The following RPTOR variants were observed in gnomAD, a reference collection of about 807,000 sequenced individuals.
RPTOR encodes the protein regulatory associated protein of MTOR complex 1, also known as regulatory-associated protein of mTOR.
A neutral mutation model predicts 169.9 loss-of-function variants in RPTOR; 21 were observed. The ratio of observed to expected loss-of-function variants is 0.12; its 90% CI spans 0.09 to 0.18. The LOEUF is 0.18. RPTOR is among the 10% of genes least tolerant of loss of function. RPTOR has a pLI of 1.00. For synonymous variants in RPTOR, 732 were observed against 753.2 expected (o/e 0.97, Z 0.46); for missense variants, 1,133 against 1,855.9 (o/e 0.61, Z 7.16).
intron 11 of RPTOR, among the ~76,000 whole-genome samples, chr17:80,849,770 G>A (rs373542234): frequency 2.6e-5 from 4 of 152,226 alleles, no homozygotes; most frequent in African/African-American, 7.2e-5. Context: ...CACCCGCCTC[G>A]GCCTCCCAAA....
In RPTOR at chr17:80,844,881, A is replaced by T. The variant is rs1181697502; in HGVS notation, c.1213-1592A>T. 6.6e-6 allele frequency among the ~76,000 whole-genome samples: 1 copy of T among 152,038 alleles called. No individual in the cohort carries two copies. The highest frequency in any genetic ancestry group is 6.5e-5 in the Admixed American group (1 of 15,274). ...TTCCTCCCGACCTCCTCTCAGAGAC[A>T]CGCACCTCCACTGCGGCCACCCACC... On this transcript the variant is annotated intron_variant, in intron 10 of 33. Transcript: ENST00000306801. The surrounding 1 kb of genome is among the most constrained non-coding windows in gnomAD (Gnocchi z 4.7).
In RPTOR at chr17:80,957,617, T is replaced by G. The variant is rs1275390361; in HGVS notation, c.3371-7T>G. The G allele has an allele frequency of 6.2e-7, 1 of 1,613,596 alleles. No homozygotes were observed. ...GGGTGATGCCATGTCCCACTGTATC[T>G]CTCCAGGAGCTGGGATGGTGGTGGA... is the stretch of plus-strand genomic sequence containing the variant. On this transcript the variant is annotated splice_polypyrimidine_tract_variant and splice_region_variant and intron_variant, in intron 28 of 33. Transcript: ENST00000306801. The surrounding 1 kb of genome is among the most constrained non-coding windows in gnomAD (Gnocchi z 4.6).
chr17:80,685,222 C>G (rs769713135), intron 3 of RPTOR, among the ~76,000 whole-genome samples: 1 of 151,594 alleles, frequency 6.6e-6, no homozygotes, highest in Admixed American at 6.6e-5. Context: ...TCAGTGTATG[C>G]CAGTGTGTGC....
intron 10 of RPTOR, among the ~76,000 whole-genome samples, chr17:80,838,449 C>T (rs1423251511): frequency 6.6e-5 from 10 of 152,242 alleles, no homozygotes; most frequent in Non-Finnish European, 1.3e-4. Context: ...AGCCACCCTA[C>T]GGCGGAACCT....
In RPTOR at chr17:80,880,034, C is replaced by T. The variant is rs79775527; in HGVS notation, c.1510-381C>T. On this transcript the variant is annotated intron_variant, in intron 13 of 33. Transcript: ENST00000306801. The stretch of plus-strand genomic sequence containing the variant: ...AAGCTTGAGCGGGACCGGGTCTGCA[C>T]CAACAGGCTGGTTCTGAGTGAGTGC... Among the ~76,000 whole-genome samples the T allele has an allele frequency of 2.6e-4, 39 of 152,292 alleles. 1 individual carries two copies. The East Asian group carries it at 7.3e-3, about 29-fold the overall frequency.
At position 80,616,733 on chromosome 17, in the gene RPTOR, A is replaced by G. The variant is rs550602694; in HGVS notation, c.163-8958A>G. Among the ~76,000 whole-genome samples, 3 of 152,036 alleles carry G rather than the reference A, an allele frequency of 2.0e-5. No individual in the cohort carries two copies. In the South Asian group the frequency reaches 6.2e-4, roughly 32 times the overall value. On this transcript the variant is annotated intron_variant, in intron 1 of 33. Coordinates refer to ENST00000306801, the MANE Select transcript of RPTOR (RefSeq NM_020761.3). ...GAGCCCTATTGAAGCAATAGGCTTC[A>G]CTTTGTATCTTGAACTGGGAAGGAG...
chr17:80,940,413 G>GAA, intron 24 of RPTOR, 83 bp from the exon 25 acceptor site: 1 of 1,189,212 alleles, frequency 8.4e-7, no homozygotes, highest in Admixed American at 2.1e-5. Context: ...TATCCGAGGG[G>GAA]TCCTAGAACC....
chr17:80,939,344 T>G (rs1051013712), intron 24 of RPTOR, among the ~76,000 whole-genome samples: 4 of 152,206 alleles, frequency 2.6e-5, no homozygotes, highest in Non-Finnish European at 5.9e-5. Context: ...CACATGTGCG[T>G]GCACACACAC....
At chr17:80,711,767 A>AACGG (rs2066194786) in intron 4 of RPTOR, among the ~76,000 whole-genome samples, 1 of 56,814 alleles carries the variant, frequency 1.8e-5, no homozygotes, top group Non-Finnish European at 3.0e-5. Flanking sequence ...TTTTGAGGTT[A>AACGG]AGTCTCCCTC....
intron 1 of RPTOR, among the ~76,000 whole-genome samples, chr17:80,595,355 GTAA>G (rs1398461544): frequency 6.6e-6 from 1 of 152,214 alleles, no homozygotes; most frequent in African/African-American, 2.4e-5. Context: ...GAAGCCTGCA[GTAA>G]AACACTGTGG....
At chr17:80,602,730 G>T (rs1282708648) in intron 1 of RPTOR, 6 of 766,662 alleles carry the variant, frequency 7.8e-6, no homozygotes, top group Non-Finnish European at 1.4e-5. Flanking sequence ...GTTGAGCCTG[G>T]TGTCAATGCA....
rs752019047 is a variant in RPTOR, at chr17:80,940,530, G to A, written c.2954G>A (p.Arg985His). Residue 985 changes from arginine (R) to histidine (H), a missense_variant, in exon 25 of 34, where the codon CGC becomes CAC. Transcript: ENST00000306801. Reference protein sequence around the residue: ...PEEHDLESQIRKEREWRFLRN... With the variant: ...PEEHDLESQIHKEREWRFLRN... ...GAGCACGACCTGGAGAGTCAGATCC[G>A]CAAGGAGCGGGAGTGGCGGTTCCTG... The A allele has an allele frequency of 2.7e-5, 43 of 1,613,702 alleles. No homozygotes were observed. The highest frequency in any genetic ancestry group is 1.6e-4 in the Middle Eastern group (1 of 6,080).
At chr17:80,812,584 G>A (rs1481426127) in intron 7 of RPTOR, among the ~76,000 whole-genome samples, 4 of 152,098 alleles carry the variant, frequency 2.6e-5, no homozygotes, top group Admixed American at 1.3e-4. Context: ...CTGCTGCTGG[G>A]TCCCTTTTTT....
rs773555394 is a variant in RPTOR at position 80,891,782 on chromosome 17, C to T, written c.2046C>T (p.Ala682=). The change falls in exon 18 of 34, where the codon GCC becomes GCT. Residue 682 remains alanine (A), a synonymous_variant. Transcript: ENST00000306801. ...VQYESNFCTV[A]LQFIEEEKNY... is the part of the protein sequence containing the mutation. ...ATGAAAGCAATTTCTGCACCGTGGC[C>T]CTGCAGTTCATAGAAGAGGAAAAGA... 17 of 1,614,044 alleles carry T rather than the reference C, an allele frequency of 1.1e-5. No individual in the cohort carries two copies. In the South Asian group the frequency reaches 1.9e-4, roughly 18 times the overall value.
chr17:80,781,831 T>TG (rs988891712), intron 6 of RPTOR, among the ~76,000 whole-genome samples: 2 of 152,206 alleles, frequency 1.3e-5, no homozygotes, highest in Admixed American at 1.3e-4. Context: ...TTTGCGTCTT[T>TG]GGGTTGCAGA....
Position 80,609,359 on chromosome 17 carries a change from G to A in RPTOR, c.163-16332G>A, listed in dbSNP as rs149172877. ...TGGCAGATGGTGGGTTTCACACTGA[G>A]TTAAGTAGCTTCACGACTGCTAGTG... On this transcript the variant is annotated intron_variant, in intron 1 of 33. Transcript: ENST00000306801. This position sits in a 1 kb window ranked among gnomAD's most constrained non-coding sequence, Gnocchi z 4.8. Among the ~76,000 whole-genome samples, 82 of 152,358 alleles carry A rather than the reference G, an allele frequency of 5.4e-4. 1 individual carries two copies. Among genetic ancestry groups the A allele is most frequent in the Non-Finnish European group, 9.7e-4 (66 of 68,040 alleles).
At position 80,843,983 on chromosome 17, in the gene RPTOR, G is replaced by A. The variant is rs1356352302; in HGVS notation, c.1213-2490G>A. 5.3e-5 allele frequency among the ~76,000 whole-genome samples: 8 copies of A among 152,314 alleles called. 1 individual carries two copies. Among genetic ancestry groups the A allele is most frequent in the Admixed American group, 5.2e-4 (8 of 15,308 alleles). On this transcript the variant is annotated intron_variant, in intron 10 of 33. Coordinates refer to ENST00000306801, the MANE Select transcript of RPTOR (RefSeq NM_020761.3). ...TATGTGGTCCTGGCCGGGCAACCCA[G>A]ACGCTCAGCCCAGCAGGACCTGTGA...
At chr17:80,961,299 GCA>G in intron 30 of RPTOR, 93 bp from the exon 31 acceptor site, 1 of 1,208,530 alleles carries the variant, frequency 8.3e-7, no homozygotes, top group Non-Finnish European at 1.1e-6. Context: ...GGACCCGCTG[GCA>G]CAGGCAGACC....
intron 25 of RPTOR, among the ~76,000 whole-genome samples, chr17:80,943,058 G>A (rs2069053332): frequency 6.6e-6 from 1 of 152,200 alleles, no homozygotes; most frequent in Non-Finnish European, 1.5e-5. Context: ...CGTGGTTCTG[G>A]GTGTTTGCTG....
Sources: allele counts gnomAD v4.1 joint callset (sites outside exome capture counted in the v4.1 genomes callset), GRCh38; gene constraint gnomAD v4.1.1; non-coding constraint Gnocchi (gnomAD v3.1); transcripts MANE v1.5; gene names NCBI Gene and HGNC (gene_info 2026-07-23, HGNC 2026-07-21).